CNTN2: variants seen among roughly 807,000 people sequenced by gnomAD.
CNTN2 encodes contactin 2, also known as contactin-2.
A neutral mutation model predicts 117.5 loss-of-function variants in CNTN2; 53 were observed. The observed-to-expected ratio is 0.45, with a 90% CI of 0.36 to 0.57. CNTN2 has a LOEUF of 0.57. Ranked by LOEUF, CNTN2 falls within the 20% of genes least tolerant of loss-of-function variation. The pLI is 0.00. For synonymous variants in CNTN2, 530 were observed against 561.7 expected (o/e 0.94, Z 0.80); for missense variants, 1,106 against 1,404.3 (o/e 0.79, Z 3.39).
intron 2 of CNTN2, among the ~76,000 whole-genome samples, chr1:205,054,598 T>C (rs2096458117): frequency 6.6e-6 from 1 of 152,048 alleles, no homozygotes; most frequent in Non-Finnish European, 1.5e-5. Flanking sequence ...AGGAAAGGGG[T>C]ATGGACAGCA....
intron 16 of CNTN2, 118 bp downstream of exon 16, chr1:205,067,368 G>GGA: frequency 1.6e-6 from 2 of 1,273,008 alleles, no homozygotes; most frequent in Non-Finnish European, 2.2e-6. Flanking sequence ...ACAGGGTTCA[G>GGA]ACTCTCACAA....
chr1:205,045,591 T>C (rs2096440192), intron 1 of CNTN2, among the ~76,000 whole-genome samples: 1 of 152,158 alleles, frequency 6.6e-6, no homozygotes, highest in African/African-American at 2.4e-5. Flanking sequence ...AGCCAAACGT[T>C]GGTGAGAAAG....
In CNTN2 at chr1:205,065,188, A is replaced by T; in HGVS notation, c.1621A>T (p.Thr541Ser). The change falls in exon 13 of 23, where the codon ACC (threonine) becomes TCC (serine). Residue 541 changes from threonine to serine, a missense_variant. Transcript: ENST00000331830. The surrounding 1 kb of genome is among the most constrained non-coding windows in gnomAD (Gnocchi z 4.1). ...HASHDPTMDL[T>S]FTWTLDDFPI... ...CTCCCACGACCCCACCATGGACCTCACCTTCACCTGGACCCTGGACGACTT... is the reference window on the plus strand; with the variant it reads ...CTCCCACGACCCCACCATGGACCTCTCCTTCACCTGGACCCTGGACGACTT... The T allele has an allele frequency of 6.2e-7, 1 of 1,613,964 alleles. No individual in the cohort carries two copies. The highest frequency in any genetic ancestry group is 8.5e-7 in the Non-Finnish European group (1 of 1,179,962).
chr1:205,050,669 A>C (rs1276217500), intron 1 of CNTN2, among the ~76,000 whole-genome samples: 1 of 152,158 alleles, frequency 6.6e-6, no homozygotes, highest in Non-Finnish European at 1.5e-5. Flanking sequence ...CCCAGGCTGC[A>C]GTGCAATGGC....
rs1489867638 is a variant in CNTN2 at position 205,068,504 on chromosome 1, T to C, written c.2126-987T>C. 7 of 152,222 alleles carry C rather than the reference T, an allele frequency of 4.6e-5. No homozygotes were observed. In the East Asian group the frequency reaches 1.3e-3, roughly 29 times the overall value. The allele number at this position is 152,222 out of a possible 1,614,324, so 9.4% of individuals were successfully genotyped here. A position where few individuals can be genotyped will look rare whatever the true frequency, so the allele number is the denominator to read the frequency against. On this transcript the variant is annotated intron_variant, in intron 16 of 22. Transcript: ENST00000331830. ...CCTGAACTTCTTGGAGGGTCAAATG[T>C]GGAGAAATGAGGGGACTCCTTTATT... is the stretch of plus-strand genomic sequence containing the variant.
rs1654266638 is a variant in CNTN2, at chr1:205,065,931, C to A, written c.1816+22C>A. ...CGAGGTGAGGGGTTTCCCACCTCTA[C>A]CCCTACCCCAACTCCCTTAAAACCC... On this transcript the variant is annotated intron_variant, in intron 14 of 22. Coordinates refer to ENST00000331830, the MANE Select transcript of CNTN2 (RefSeq NM_005076.5). This position sits in a 1 kb window ranked among gnomAD's most constrained non-coding sequence, Gnocchi z 4.1. The A allele has an allele frequency of 1.9e-6, 3 of 1,592,918 alleles. No individual in the cohort carries two copies. The highest frequency in any genetic ancestry group is 1.1e-5 in the South Asian group (1 of 87,480).
At chr1:205,044,460 G>GGT (rs1553341463) in intron 1 of CNTN2, among the ~76,000 whole-genome samples, 1 of 130,030 alleles carries the variant, frequency 7.7e-6, no homozygotes, top group Non-Finnish European at 1.6e-5. Flanking sequence ...CTGTGTCCTG[G>GGT]GGGGGGGGGT....
At chr1:205,072,154 T>TG in intron 20 of CNTN2, 21 bp downstream of exon 20, 3 of 1,592,486 alleles carry the variant, frequency 1.9e-6, no homozygotes, top group Non-Finnish European at 2.6e-6. Flanking sequence ...CTGCCTGGGG[T>TG]GGGGGTAGGG....
intron 1 of CNTN2, among the ~76,000 whole-genome samples, chr1:205,052,838 G>A (rs575970171): frequency 1.2e-3 from 183 of 152,248 alleles, no homozygotes; most frequent in African/African-American, 4.1e-3. Flanking sequence ...CTTCCTAAGC[G>A]GCACCCCACT....
intron 17 of CNTN2, 62 bp from the exon 18 acceptor site, chr1:205,069,764 GC>G: frequency 6.4e-7 from 1 of 1,554,914 alleles, no homozygotes. Flanking sequence ...GTTGGGTGGG[GC>G]CAGGGAACGG....
chr1:205,049,386 T>C (rs769434634), intron 1 of CNTN2, among the ~76,000 whole-genome samples: 2 of 150,756 alleles, frequency 1.3e-5, no homozygotes, highest in African/African-American at 2.4e-5. Flanking sequence ...TACATACATA[T>C]ACACATATAT....
In CNTN2 at chr1:205,059,138, G is replaced by A. The variant is rs778664431; in HGVS notation, c.542G>A (p.Gly181Glu). The change falls in exon 6 of 23, where the codon GGG (glycine) becomes GAG (glutamate). Residue 181 changes from glycine to glutamate, a missense_variant. Coordinates refer to ENST00000331830, the MANE Select transcript of CNTN2 (RefSeq NM_005076.5). The surrounding 1 kb of genome is among the most constrained non-coding windows in gnomAD (Gnocchi z 5.6). Reference protein sequence around the residue: ...NEFPNFIPTDGRHFVSQTTGN... With the variant: ...NEFPNFIPTDERHFVSQTTGN... ...TTCCCCAACTTCATCCCGACGGACG[G>A]GCGTCACTTCGTGTCCCAGACCACA... is the stretch of plus-strand genomic sequence containing the variant. 1.2e-6 allele frequency: 2 copies of A among 1,614,176 alleles called. No homozygotes were observed. Among genetic ancestry groups the A allele is most frequent in the East Asian group, 4.5e-5 (2 of 44,858 alleles).
At chr1:205,045,620 T>C (rs2096440237) in intron 1 of CNTN2, among the ~76,000 whole-genome samples, 1 of 152,144 alleles carries the variant, frequency 6.6e-6, no homozygotes, top group Non-Finnish European at 1.5e-5. Context: ...AAAGACAATC[T>C]CTAAGCCTGA....
intron 2 of CNTN2, among the ~76,000 whole-genome samples, chr1:205,053,683 C>T (rs1022570974): frequency 6.6e-6 from 1 of 152,226 alleles, no homozygotes; most frequent in African/African-American, 2.4e-5. Flanking sequence ...ACATTTCGAA[C>T]GTTCAGTAGC....
In CNTN2 at chr1:205,061,319, T is replaced by G; in HGVS notation, c.872T>G (p.Leu291Arg). The G allele has an allele frequency of 6.2e-7, 1 of 1,614,084 alleles. No individual in the cohort carries two copies. The highest frequency in any genetic ancestry group is 8.5e-7 in the Non-Finnish European group (1 of 1,179,992). Residue 291 changes from leucine (L) to arginine (R), a missense_variant, in exon 8 of 23, where the codon CTG becomes CGG. Transcript: ENST00000331830. This position sits in a 1 kb window ranked among gnomAD's most constrained non-coding sequence, Gnocchi z 4.8. ...SPQWTTAEPTLQIPSVSFEDE... is the reference protein window; with the variant it reads ...SPQWTTAEPTRQIPSVSFEDE... ...CAGTGGACCACAGCTGAGCCCACCC[T>G]GCAGATCCCCAGCGTCAGCTTTGAG...
chr1:205,069,364 G>C (rs899300045), intron 16 of CNTN2, 127 bp from the exon 17 acceptor site: 6 of 805,570 alleles, frequency 7.4e-6, no homozygotes, highest in Admixed American at 2.8e-5. Flanking sequence ...AGGGACCACT[G>C]GGGGGCAAAC....
At chr1:205,054,189 G>C (rs1364884317) in intron 2 of CNTN2, among the ~76,000 whole-genome samples, 1 of 152,182 alleles carries the variant, frequency 6.6e-6, no homozygotes, top group Non-Finnish European at 1.5e-5. Context: ...GACTCTCCAT[G>C]GTCCTGGAGT....
rs373788906 is a variant in CNTN2, at chr1:205,058,107, G to A, written c.215+42G>A. ...GGGTGCTGGGAGGCCCTGGGCAGCC[G>A]TTGAACTTTCCCTCTCATCAGCCCT... On this transcript the variant is annotated intron_variant, in intron 3 of 22. Transcript: ENST00000331830. The surrounding 1 kb of genome is among the most constrained non-coding windows in gnomAD (Gnocchi z 4.3). 2.3e-5 allele frequency: 37 copies of A among 1,605,278 alleles called. No individual in the cohort carries two copies. Among genetic ancestry groups the A allele is most frequent in the Non-Finnish European group, 2.8e-5 (33 of 1,175,788 alleles).
In CNTN2 at chr1:205,073,794, C is replaced by G; in HGVS notation, c.*29C>G. ...TGGAACCCCTCCCTCTGCGCCGCAGCTGGACGCCACCTCCGACGGACACAG... is the reference window on the plus strand; with the variant it reads ...TGGAACCCCTCCCTCTGCGCCGCAGGTGGACGCCACCTCCGACGGACACAG... On this transcript the variant is annotated 3_prime_UTR_variant, in exon 23 of 23. Transcript: ENST00000331830. The surrounding 1 kb of genome is among the most constrained non-coding windows in gnomAD (Gnocchi z 6.3). 6.4e-7 allele frequency: 1 copy of G among 1,573,596 alleles called. No individual in the cohort carries two copies. The highest frequency in any genetic ancestry group is 8.7e-7 in the Non-Finnish European group (1 of 1,146,644).
Sources: allele counts gnomAD v4.1 joint callset (sites outside exome capture counted in the v4.1 genomes callset), GRCh38; gene constraint gnomAD v4.1.1; non-coding constraint Gnocchi (gnomAD v3.1); transcripts MANE v1.5; gene names NCBI Gene and HGNC (gene_info 2026-07-23, HGNC 2026-07-21).